Variants in ZNF385D observed in about 807,000 individuals in gnomAD.
ZNF385D encodes zinc finger protein 385D.
Under a neutral mutation model 35.8 loss-of-function variants are expected in ZNF385D, and 15 were observed. The ratio of observed to expected loss-of-function variants is 0.42; its 90% CI spans 0.28 to 0.64. The LOEUF (loss-of-function observed/expected upper bound fraction) is 0.64, where lower values mean the gene tolerates loss of function less well. Ranked by LOEUF, ZNF385D falls within the 30% of genes least tolerant of loss-of-function variation. ZNF385D has a pLI of 0.23. For missense variants in ZNF385D, 474 were observed against 494.6 expected (o/e 0.96, Z 0.39); for synonymous variants, 212 against 186.8 (o/e 1.13, Z -1.10).
intron 2 of ZNF385D, among the ~76,000 whole-genome samples, chr3:22,195,591 G>A (rs1468983064): frequency 2.0e-5 from 3 of 151,966 alleles, no homozygotes; most frequent in African/African-American, 7.2e-5. Flanking sequence ...CATTACGAGT[G>A]ACTTACAGGT....
chr3:22,281,514 T>C (rs1701739276), intron 2 of ZNF385D, among the ~76,000 whole-genome samples: 1 of 152,108 alleles, frequency 6.6e-6, no homozygotes, highest in Non-Finnish European at 1.5e-5. Context: ...TTATTTTTAG[T>C]TCTGGTTACG....
chr3:21,878,253 G>A (rs1419015565), intron 3 of ZNF385D: 1 of 151,888 alleles, frequency 6.6e-6, no homozygotes, highest in Non-Finnish European at 1.5e-5. Context: ...TCATAAAAAC[G>A]AGAGTTTGGA....
intron 3 of ZNF385D, among the ~76,000 whole-genome samples, chr3:22,130,388 T>C (rs1703707182): frequency 6.6e-6 from 1 of 152,268 alleles, no homozygotes; most frequent in African/African-American, 2.4e-5. Context: ...ATTACAATCC[T>C]TGTGGCCTAG....
intron 3 of ZNF385D, among the ~76,000 whole-genome samples, chr3:21,984,109 G>A (rs1396270009): frequency 7.4e-6 from 1 of 134,994 alleles, no homozygotes; most frequent in Non-Finnish European, 1.5e-5. Flanking sequence ...CTCCCATGTT[G>A]TAGGTTGCCT....
At chr3:22,289,406 G>A (rs1293775897) in intron 2 of ZNF385D, among the ~76,000 whole-genome samples, 1 of 152,060 alleles carries the variant, frequency 6.6e-6, no homozygotes, top group Non-Finnish European at 1.5e-5. Flanking sequence ...CTTTATCACT[G>A]GCATAAGCCA....
intron 3 of ZNF385D, among the ~76,000 whole-genome samples, chr3:21,913,781 C>T (rs765277917): frequency 6.6e-5 from 10 of 152,050 alleles, no homozygotes; most frequent in Non-Finnish European, 1.5e-4. Flanking sequence ...CATTCGGCAG[C>T]CATCCTCCCA....
At chr3:21,523,146 A>G (rs1046834723) in intron 3 of ZNF385D, among the ~76,000 whole-genome samples, 10 of 152,224 alleles carry the variant, frequency 6.6e-5, no homozygotes, top group African/African-American at 2.4e-4. Context: ...GGAATAAGTG[A>G]ATGAATACAT....
At chr3:21,502,523 TCAGCCAAATAGAAC>T (rs1157834127) in intron 4 of ZNF385D, among the ~76,000 whole-genome samples, 1 of 152,192 alleles carries the variant, frequency 6.6e-6, no homozygotes, top group Non-Finnish European at 1.5e-5. Flanking sequence ...AAAACTTTTA[TCAGCCAAATAGAAC>T]CAGCCAAATA....
intron 3 of ZNF385D, among the ~76,000 whole-genome samples, chr3:21,963,390 C>T (rs1297710261): frequency 6.6e-6 from 1 of 152,124 alleles, no homozygotes; most frequent in East Asian, 1.9e-4. Flanking sequence ...ACCGCAGTAG[C>T]GTGCAGAAAT....
chr3:22,161,838 C>A (rs534786583), intron 3 of ZNF385D, among the ~76,000 whole-genome samples: 2 of 152,064 alleles, frequency 1.3e-5, no homozygotes, highest in South Asian at 4.2e-4. Context: ...TAAGAAAATA[C>A]CCAAATGTAT....
At chr3:21,992,964 A>G (rs950344914) in intron 3 of ZNF385D, among the ~76,000 whole-genome samples, 1 of 152,212 alleles carries the variant, frequency 6.6e-6, no homozygotes, top group African/African-American at 2.4e-5. Flanking sequence ...CAAATCGTCA[A>G]ATCACCCACA....
intron 3 of ZNF385D, among the ~76,000 whole-genome samples, chr3:22,039,771 G>T (rs74392675): frequency 3.3e-5 from 5 of 152,154 alleles, no homozygotes; most frequent in South Asian, 4.2e-4. Flanking sequence ...TCTTATTAGG[G>T]TACATCGTTT....
chr3:21,927,192 G>T (rs1700770769), intron 3 of ZNF385D, among the ~76,000 whole-genome samples: 1 of 152,012 alleles, frequency 6.6e-6, no homozygotes, highest in East Asian at 1.9e-4. Context: ...ATGGATAGAA[G>T]CTCCCTGAAG....
intron 3 of ZNF385D, among the ~76,000 whole-genome samples, chr3:21,858,501 G>A (rs1014111600): frequency 1.3e-5 from 2 of 151,974 alleles, no homozygotes; most frequent in African/African-American, 4.8e-5. Context: ...CCTCATGAAT[G>A]GATTAGTGTC....
At chr3:22,162,330 G>A (rs1282442928) in intron 3 of ZNF385D, among the ~76,000 whole-genome samples, 1 of 152,108 alleles carries the variant, frequency 6.6e-6, no homozygotes, top group Non-Finnish European at 1.5e-5. Flanking sequence ...CTTTTTGTGG[G>A]AGGGTTTACA....
chr3:21,941,656 T>C (rs929049305), intron 3 of ZNF385D, among the ~76,000 whole-genome samples: 2 of 151,590 alleles, frequency 1.3e-5, no homozygotes, highest in East Asian at 1.9e-4. Flanking sequence ...CGCCACCACG[T>C]CCGGATAATT....
chr3:21,517,729 C>G (rs994923641), intron 3 of ZNF385D, among the ~76,000 whole-genome samples: 4 of 152,126 alleles, frequency 2.6e-5, no homozygotes, highest in African/African-American at 7.2e-5. Flanking sequence ...GGGTGAAGAT[C>G]AGTATGCATT....
At chr3:22,262,741 T>A (rs918623278) in intron 2 of ZNF385D, among the ~76,000 whole-genome samples, 1 of 151,910 alleles carries the variant, frequency 6.6e-6, no homozygotes, top group Non-Finnish European at 1.5e-5. Context: ...CTGTACAAAC[T>A]TTTTGGGTTG....
intron 1 of ZNF385D, among the ~76,000 whole-genome samples, chr3:21,683,504 G>T (rs2066982339): frequency 6.7e-6 from 1 of 149,446 alleles, no homozygotes; most frequent in Non-Finnish European, 1.5e-5. Context: ...TGTAGTCCCA[G>T]CTACTCGAAG....
Sources: allele counts gnomAD v4.1 joint callset (sites outside exome capture counted in the v4.1 genomes callset), GRCh38; gene constraint gnomAD v4.1.1; transcripts MANE v1.5; gene names NCBI Gene and HGNC (gene_info 2026-07-23, HGNC 2026-07-21).